Variants in SRC observed in about 807,000 individuals in gnomAD.
The protein encoded by SRC is SRC proto-oncogene, non-receptor tyrosine kinase.
A neutral mutation model predicts 62.9 loss-of-function variants in SRC; 13 were observed. The ratio of observed to expected loss-of-function variants is 0.21; its 90% confidence interval spans 0.13 to 0.33. SRC has a LOEUF of 0.33. Ranked by LOEUF, SRC falls within the 10% of genes least tolerant of loss-of-function variation. The pLI, the probability that SRC is intolerant of heterozygous loss-of-function variation, is 1.00. For synonymous variants in SRC, 302 were observed against 317.5 expected (o/e 0.95, Z 0.52); for missense variants, 457 against 737.3 (o/e 0.62, Z 4.40).
chr20:37,384,058 G>T lies in SRC; in HGVS notation c.-4-92G>T. On this transcript the variant is annotated intron_variant, in intron 3 of 13. Coordinates refer to ENST00000373578, the MANE Select transcript of SRC (RefSeq NM_198291.3). The surrounding 1 kb of genome is among the most constrained non-coding windows in gnomAD (Gnocchi z 6.7). Reference sequence around the variant, plus strand: ...GCCCTGCTGCCTCTCCTTGGGCCTCGTTTTCCCTATCTGTGGAATGGGTGG... The same window carrying T: ...GCCCTGCTGCCTCTCCTTGGGCCTCTTTTTCCCTATCTGTGGAATGGGTGG... 3 of 1,529,696 alleles carry T rather than the reference G, an allele frequency of 2.0e-6. No individual in the cohort carries two copies. The highest frequency in any genetic ancestry group is 8.7e-7 in the Non-Finnish European group (1 of 1,144,938). 94.8% of individuals were successfully genotyped at this position (1,529,696 alleles called of 1,614,324 possible). A position where few individuals can be genotyped will look rare whatever the true frequency, so the allele number is the denominator to read the frequency against.
At chr20:37,347,199 C>G (rs1430749105) in intron 1 of SRC, among the ~76,000 whole-genome samples, 1 of 152,224 alleles carries the variant, frequency 6.6e-6, no homozygotes, top group African/African-American at 2.4e-5. Context: ...TTCATGGACT[C>G]TGTACAATTT....
intron 1 of SRC, among the ~76,000 whole-genome samples, chr20:37,353,779 C>G (rs1445864165): frequency 6.6e-6 from 1 of 152,222 alleles, no homozygotes; most frequent in Non-Finnish European, 1.5e-5. Context: ...TTCTCTACTT[C>G]CACAGACCCT....
In SRC at chr20:37,403,337, C is replaced by T. The variant is rs775916431; in HGVS notation, c.1569C>T (p.Phe523=). The T allele has an allele frequency of 6.2e-7, 1 of 1,607,048 alleles. No individual in the cohort carries two copies. The highest frequency in any genetic ancestry group is 1.1e-5 in the South Asian group (1 of 89,556). Residue 523 remains phenylalanine (F), a synonymous_variant, in exon 14 of 14, where the codon TTC becomes TTT. Transcript: ENST00000373578. This position sits in a 1 kb window ranked among gnomAD's most constrained non-coding sequence, Gnocchi z 7.1. ...EYLQAFLEDY[F]TSTEPQYQPG... Reference sequence around the variant, plus strand: ...TGCAGGCCTTCCTGGAGGACTACTTCACGTCCACCGAGCCCCAGTACCAGC... The same window carrying T: ...TGCAGGCCTTCCTGGAGGACTACTTTACGTCCACCGAGCCCCAGTACCAGC...
chr20:37,373,363 C>A (rs889501031), intron 2 of SRC, among the ~76,000 whole-genome samples: 2 of 149,634 alleles, frequency 1.3e-5, no homozygotes, highest in Admixed American at 6.6e-5. Flanking sequence ...CATATATACA[C>A]ATACACATAT....
At chr20:37,355,936 G>A (rs1472801854) in intron 1 of SRC, among the ~76,000 whole-genome samples, 3 of 152,210 alleles carry the variant, frequency 2.0e-5, no homozygotes, top group Non-Finnish European at 4.4e-5. Flanking sequence ...GGGCACTCAG[G>A]CTTGGGCCTG....
chr20:37,359,737 A>C (rs2069936949), intron 1 of SRC, among the ~76,000 whole-genome samples: 1 of 151,994 alleles, frequency 6.6e-6, no homozygotes, highest in Non-Finnish European at 1.5e-5. Context: ...TTGGAGCGAG[A>C]TGGGGTCACA....
chr20:37,401,549 C>A (rs2070737451), intron 10 of SRC, 53 bp from the exon 11 acceptor site: 2 of 1,442,840 alleles, frequency 1.4e-6, no homozygotes, highest in Non-Finnish European at 1.9e-6. Flanking sequence ...GGAATCACTG[C>A]ATCCTGGCAG....
At chr20:37,374,937 CT>C (rs879291571) in intron 2 of SRC, among the ~76,000 whole-genome samples, 60 of 143,224 alleles carry the variant, frequency 4.2e-4, no homozygotes, top group East Asian at 6.2e-4. Context: ...TTTTTCTATT[CT>C]TTTTTTTTTT....
At chr20:37,356,869 C>T (rs1396890687) in intron 1 of SRC, among the ~76,000 whole-genome samples, 1 of 152,194 alleles carries the variant, frequency 6.6e-6, no homozygotes, top group Non-Finnish European at 1.5e-5. Context: ...GATTAGAATC[C>T]AGGCTTTGTT....
chr20:37,376,785 G>T (rs2070285210), intron 2 of SRC, among the ~76,000 whole-genome samples: 1 of 152,230 alleles, frequency 6.6e-6, no homozygotes, highest in Admixed American at 6.5e-5. Context: ...TTACAGGCAT[G>T]AGCCATTGTG....
intron 1 of SRC, among the ~76,000 whole-genome samples, chr20:37,350,491 G>A (rs1302408369): frequency 6.6e-6 from 1 of 152,154 alleles, no homozygotes; most frequent in Admixed American, 6.5e-5. Flanking sequence ...CCCACCTGGT[G>A]GCTGGCTCCG....
chr20:37,379,219 C>T (rs1600989733), intron 2 of SRC, among the ~76,000 whole-genome samples: 1 of 152,122 alleles, frequency 6.6e-6, no homozygotes, highest in South Asian at 2.1e-4. Context: ...AAAGGGGCCA[C>T]CTTTCCCTGG....
intron 2 of SRC, among the ~76,000 whole-genome samples, chr20:37,368,518 CTTTTTTTTTTTTTTTTTTTTTTTTTGTT>C (rs2070104479): frequency 2.7e-5 from 2 of 73,898 alleles, no homozygotes; most frequent in Admixed American, 2.1e-4. Context: ...CCTATATTTT[CTTTTTTTTTTTTTTTTTTTTTTTTTGTT>C]TTTTTTTTTT....
chr20:37,386,652 C>T (rs1265069359), intron 5 of SRC, among the ~76,000 whole-genome samples: 1 of 152,150 alleles, frequency 6.6e-6, no homozygotes, highest in African/African-American at 2.4e-5. Flanking sequence ...TGGACCTTAA[C>T]GCAGGCTGCG....
chr20:37,395,947 G>A (rs979443947), intron 7 of SRC, among the ~76,000 whole-genome samples: 1 of 152,216 alleles, frequency 6.6e-6, no homozygotes, highest in South Asian at 2.1e-4. Flanking sequence ...GGGGCCAAGG[G>A]TGCGTGGCAG....
At chr20:37,352,747 G>A (rs974842804) in intron 1 of SRC, among the ~76,000 whole-genome samples, 1 of 152,144 alleles carries the variant, frequency 6.6e-6, no homozygotes, top group Non-Finnish European at 1.5e-5. Context: ...CCCTAGAGGT[G>A]CCCTGCCCCG....
chr20:37,356,204 G>A (rs978696221), intron 1 of SRC, among the ~76,000 whole-genome samples: 3 of 152,182 alleles, frequency 2.0e-5, no homozygotes, highest in Non-Finnish European at 4.4e-5. Flanking sequence ...GGACCTCTGA[G>A]GGGAGATAGA....
intron 2 of SRC, among the ~76,000 whole-genome samples, chr20:37,379,256 C>T (rs1472292091): frequency 1.3e-5 from 2 of 152,110 alleles, no homozygotes; most frequent in Middle Eastern, 6.3e-3. Flanking sequence ...CATTGTGGGG[C>T]CCCCACTGCT....
intron 1 of SRC, among the ~76,000 whole-genome samples, chr20:37,361,369 G>A (rs763937320): frequency 3.8e-4 from 58 of 152,314 alleles, no homozygotes; most frequent in Non-Finnish European, 7.1e-4. Context: ...TTTCATGGAT[G>A]AGTAAAGGCA....
Sources: gnomAD v4.1 joint callset for allele counts (sites outside exome capture counted in the v4.1 genomes callset) on GRCh38, gnomAD v4.1.1 for gene constraint, Gnocchi (gnomAD v3.1) non-coding constraint, MANE v1.5 for transcripts, NCBI Gene and HGNC (gene_info 2026-07-23, HGNC 2026-07-21) for gene names.